PPP2R1B: variants seen among roughly 807,000 people sequenced by gnomAD.
The protein encoded by PPP2R1B is serine/threonine-protein phosphatase 2A 65 kDa regulatory subunit A beta isoform.
A neutral mutation model predicts 72.7 loss-of-function variants in PPP2R1B; 58 were observed. The ratio of observed to expected loss-of-function variants is 0.80; its 90% confidence interval spans 0.65 to 0.99. The LOEUF (loss-of-function observed/expected upper bound fraction) is 0.99. Ranked by LOEUF, PPP2R1B falls within the 50% of genes least tolerant of loss-of-function variation. PPP2R1B has a pLI of 0.00. For missense variants in PPP2R1B, 695 were observed against 733.6 expected (o/e 0.95, Z 0.61); for synonymous variants, 256 against 264.6 (o/e 0.97, Z 0.32).
chr11:111,695,632 A>C, the PPP2R1B span, among the ~76,000 whole-genome samples: 1 of 152,226 alleles, frequency 6.6e-6, no homozygotes, highest in Non-Finnish European at 1.5e-5. Context: ...GCATCACATC[A>C]GAGCTTGTTA....
chr11:111,747,574 G>A (rs1423464534), intron 11 of PPP2R1B, among the ~76,000 whole-genome samples: 3 of 152,100 alleles, frequency 2.0e-5, no homozygotes, highest in Admixed American at 2.0e-4. Flanking sequence ...CTCCCACCCA[G>A]GCCTTTCATC....
At chr11:111,717,862 A>G in the PPP2R1B span, among the ~76,000 whole-genome samples, 9 of 152,180 alleles carry the variant, frequency 5.9e-5, no homozygotes, top group East Asian at 1.9e-4. Context: ...GTTCTCACGT[A>G]TAAGTAGGAG....
chr11:111,733,662 C>G (rs571575326), downstream of PPP2R1B, among the ~76,000 whole-genome samples: 1 of 152,154 alleles, frequency 6.6e-6, no homozygotes, highest in Non-Finnish European at 1.5e-5. Context: ...GCCCACCAAG[C>G]CCTTTCCTCC....
chr11:111,753,078 G>C (rs1360269944), intron 9 of PPP2R1B, among the ~76,000 whole-genome samples: 1 of 152,130 alleles, frequency 6.6e-6, no homozygotes, highest in African/African-American at 2.4e-5. Context: ...GCTCATGCTT[G>C]CCATGTAGTA....
rs1945461137 is a variant in PPP2R1B, at chr11:111,764,833, C to T, written c.278G>A (p.Gly93Glu). 1.2e-5 allele frequency: 19 copies of T among 1,613,946 alleles called. No homozygotes were observed. Among genetic ancestry groups the T allele is most frequent in the Non-Finnish European group, 1.6e-5 (19 of 1,180,018 alleles). Residue 93 changes from glycine (G) to glutamate (E), a missense_variant, in exon 3 of 15, where the codon GGA (glycine) becomes GAA (glutamate). Physicochemically the swap from Gly to Glu is moderately conservative, Grantham distance 98. Transcript: ENST00000527614. The part of the protein sequence containing the change: ...EQLGNFTGLV[G>E]GPDFAHCLLP... ...CAGACAGTGGGCAAAGTCAGGACCTCCCACTAGGCCAGTGAAATTTCCCAG... is the reference window on the plus strand; with the variant it reads ...CAGACAGTGGGCAAAGTCAGGACCTTCCACTAGGCCAGTGAAATTTCCCAG...
downstream of PPP2R1B, chr11:111,724,194 C>G (rs1943897526): frequency 1.3e-6 from 2 of 1,528,934 alleles, no homozygotes; most frequent in Non-Finnish European, 1.7e-6. Flanking sequence ...TTTATTCCAG[C>G]CTTTTAAATT....
At chr11:111,757,006 C>G (rs1476222021) in intron 5 of PPP2R1B, among the ~76,000 whole-genome samples, 1 of 151,706 alleles carries the variant, frequency 6.6e-6, no homozygotes, top group East Asian at 1.9e-4. Flanking sequence ...CCCAGCTACT[C>G]AGGTGGCTGA....
Position 111,754,523 on chromosome 11 carries a change from C to A in PPP2R1B, c.1005G>T (p.Met335Ile), listed in dbSNP as rs1555048961. The A allele has an allele frequency of 6.2e-7, 1 of 1,602,184 alleles. No homozygotes were observed. ...LPIEDRETII[M>I]NQILPYIKEL... Reference sequence around the variant, plus strand: ...CCTTTATATAAGGCAGAATTTGATTCATAATTATGGTCTCTCTATCTTCAA... The same window carrying A: ...CCTTTATATAAGGCAGAATTTGATTAATAATTATGGTCTCTCTATCTTCAA... The change falls in exon 8 of 15, where the codon ATG becomes ATT. Residue 335 changes from methionine (M) to isoleucine (I), a missense_variant. Met to Ile is a conservative substitution (Grantham distance 10). Transcript: ENST00000527614.
the PPP2R1B span, chr11:111,721,715 TAA>T: frequency 1.5e-6 from 1 of 678,150 alleles, no homozygotes; most frequent in Non-Finnish European, 2.4e-6. Context: ...TGAGTATTAA[TAA>T]GTCTCAGTGG....
downstream of PPP2R1B, chr11:111,726,100 T>C (rs1417226809): frequency 1.3e-5 from 2 of 152,224 alleles, no homozygotes; most frequent in Non-Finnish European, 2.9e-5. Flanking sequence ...CTTTACAAAA[T>C]AGCCAGTTAT....
At chr11:111,692,436 T>C in the PPP2R1B span, among the ~76,000 whole-genome samples, 3 of 135,676 alleles carry the variant, frequency 2.2e-5, no homozygotes, top group South Asian at 7.1e-4. Flanking sequence ...GAGGCTGGGG[T>C]ATCTGCCTCA....
At chr11:111,743,300 C>T in intron 12 of PPP2R1B, 76 bp downstream of exon 12, 1 of 1,383,946 alleles carries the variant, frequency 7.2e-7, no homozygotes, top group South Asian at 1.3e-5. Context: ...AGACAGTATA[C>T]TGATAATTCA....
chr11:111,764,515 C>T (rs1945444753), intron 3 of PPP2R1B, among the ~76,000 whole-genome samples: 1 of 152,050 alleles, frequency 6.6e-6, no homozygotes, highest in South Asian at 2.1e-4. Flanking sequence ...AAACTTCCAC[C>T]ATCGCGCGGG....
chr11:111,720,971 AGTT>A, the PPP2R1B span: 8 of 1,614,216 alleles, frequency 5.0e-6, no homozygotes, highest in South Asian at 1.1e-5. Context: ...AACAAAGTGC[AGTT>A]GTTGTATGAA....
At chr11:111,724,381 G>A (rs1287891711), downstream of PPP2R1B, 1 of 530,146 alleles carries the variant, frequency 1.9e-6, no homozygotes, top group Non-Finnish European at 3.4e-6. Context: ...CGGTCGAGTG[G>A]AGCAAGCTCT....
Position 111,738,107 on chromosome 11 carries a change from G to A in PPP2R1B, c.*3489C>T. 1 of 989,140 alleles carries A rather than the reference G, an allele frequency of 1.0e-6. No homozygotes were observed. The highest frequency in any genetic ancestry group is 4.6e-5 in the South Asian group (1 of 21,608). The allele number at this position is 989,140 out of a possible 1,614,324, so 61.3% of individuals were successfully genotyped here. The stretch of plus-strand genomic sequence containing the variant: ...ATGCGAGGGAAGAGGAAAGAGGAGA[G>A]TAAGGAACTGGATGGAAACAGGAAT... On this transcript the variant is annotated 3_prime_UTR_variant, in exon 15 of 15. Transcript: ENST00000527614.
At position 111,740,035 on chromosome 11, in the gene PPP2R1B, T is replaced by G. The variant is rs1944466142; in HGVS notation, c.*1561A>C. On this transcript the variant is annotated 3_prime_UTR_variant, in exon 15 of 15. Transcript: ENST00000527614. ...ATATACAAAGTCTTAGAGGAGTCTTTGGGCCTTCACTAAACAGAACAGGAC... is the reference window on the plus strand; with the variant it reads ...ATATACAAAGTCTTAGAGGAGTCTTGGGGCCTTCACTAAACAGAACAGGAC... 1 of 984,614 alleles carries G rather than the reference T, an allele frequency of 1.0e-6. No homozygotes were observed. 61.0% of individuals were successfully genotyped at this position (984,614 alleles called of 1,614,324 possible).
chr11:111,738,201 A>C lies in PPP2R1B; in HGVS notation c.*3395T>G. Reference sequence around the variant, plus strand: ...GTCACCTCAGCTGCTAAACCAGGAGAACACTGGGCAACAGGGCCTCTCCCT... The same window carrying C: ...GTCACCTCAGCTGCTAAACCAGGAGCACACTGGGCAACAGGGCCTCTCCCT... On this transcript the variant is annotated 3_prime_UTR_variant, in exon 15 of 15. Transcript: ENST00000527614. 1.0e-6 allele frequency: 1 copy of C among 985,724 alleles called. No homozygotes were observed. Among genetic ancestry groups the C allele is most frequent in the Non-Finnish European group, 1.2e-6 (1 of 830,172 alleles). 61.1% of individuals were successfully genotyped at this position (985,724 alleles called of 1,614,324 possible). A position where few individuals can be genotyped will look rare whatever the true frequency, so the allele number is the denominator to read the frequency against.
intron 8 of PPP2R1B, among the ~76,000 whole-genome samples, chr11:111,753,993 T>C (rs1176291063): frequency 6.6e-6 from 1 of 151,954 alleles, no homozygotes; most frequent in African/African-American, 2.4e-5. Context: ...CATAGCTCAC[T>C]GCCATCTCAA....
Sources: allele counts gnomAD v4.1 joint callset (sites outside exome capture counted in the v4.1 genomes callset), GRCh38; gene constraint gnomAD v4.1.1; transcripts MANE v1.5; gene names NCBI Gene and HGNC (gene_info 2026-07-23, HGNC 2026-07-21).